The following LINC00305 variants were observed in gnomAD, a reference collection of about 807,000 sequenced individuals.
LINC00305 encodes long independently transcribed non-coding RNA 305.
chr18:64,108,753 C>A (rs1333357359), intron 1 of LINC00305, among the ~76,000 whole-genome samples: 1 of 152,178 alleles, frequency 6.6e-6, no homozygotes, highest in Non-Finnish European at 1.5e-5. Context: ...GAACCAGCCC[C>A]AAACAAGTGT....
chr18:64,109,867 C>T (rs529221900), intron 1 of LINC00305, among the ~76,000 whole-genome samples: 8 of 152,228 alleles, frequency 5.3e-5, no homozygotes, highest in East Asian at 1.9e-4. Context: ...CTCTCCACTC[C>T]GAGCTTGTCC....
intron 1 of LINC00305, among the ~76,000 whole-genome samples, chr18:64,125,941 T>G (rs1444294219): frequency 4.6e-5 from 7 of 152,090 alleles, no homozygotes; most frequent in Non-Finnish European, 1.0e-4. Context: ...AGAAAGAAAA[T>G]CCTTCCTGGA....
chr18:64,089,215 T>C (rs1430771710), intron 3 of LINC00305, among the ~76,000 whole-genome samples: 6 of 152,150 alleles, frequency 3.9e-5, no homozygotes, highest in African/African-American at 1.2e-4. Flanking sequence ...GCTGTTCTCA[T>C]GATAGTGGGT....
chr18:64,104,775 T>A (rs2051282626), intron 1 of LINC00305, among the ~76,000 whole-genome samples: 1 of 152,172 alleles, frequency 6.6e-6, no homozygotes, highest in South Asian at 2.1e-4. Context: ...CAAAATTTTC[T>A]TTGAGGCTGC....
chr18:64,082,420 G>A (rs185947479), intron 3 of LINC00305, among the ~76,000 whole-genome samples: 238 of 152,226 alleles, frequency 1.6e-3, no homozygotes, highest in African/African-American at 5.5e-3. Context: ...CCACATTTTT[G>A]GGGGGAGACT....
intron 1 of LINC00305, among the ~76,000 whole-genome samples, chr18:64,106,298 G>C (rs1258212918): frequency 2.0e-5 from 3 of 152,186 alleles, no homozygotes; most frequent in Non-Finnish European, 4.4e-5. Context: ...GGGCATGTCT[G>C]CTATGCCTGG....
chr18:64,097,493 G>T (rs1390436491), intron 3 of LINC00305, among the ~76,000 whole-genome samples: 6 of 151,952 alleles, frequency 3.9e-5, no homozygotes, highest in Admixed American at 3.9e-4. Flanking sequence ...ACTTGTAATT[G>T]CTATGTTTCC....
chr18:64,119,964 A>AAAGTTACTAAAGTAACTAAAGTAACT (rs1405445612), intron 1 of LINC00305, among the ~76,000 whole-genome samples: 6 of 152,148 alleles, frequency 3.9e-5, no homozygotes. Context: ...TGAAGTAACT[A>AAAGTTACTAAAGTAACTAAAGTAACT]AAAGTTTGGA....
chr18:64,146,788 A>G (rs919093017), intron 1 of LINC00305, among the ~76,000 whole-genome samples: 1 of 152,146 alleles, frequency 6.6e-6, no homozygotes, highest in Admixed American at 6.5e-5. Context: ...GGAGTAATGG[A>G]AGTGCTGAGA....
intron 1 of LINC00305, among the ~76,000 whole-genome samples, chr18:64,107,060 T>C (rs1333343076): frequency 2.6e-5 from 4 of 152,206 alleles, no homozygotes; most frequent in African/African-American, 9.6e-5. Flanking sequence ...AATCCTCTCC[T>C]CAATCTCATT....
chr18:64,143,548 CAT>C (rs1299444826), intron 1 of LINC00305, among the ~76,000 whole-genome samples: 1 of 81,826 alleles, frequency 1.2e-5, no homozygotes, highest in African/African-American at 5.1e-5. Flanking sequence ...TATATGTACA[CAT>C]ATTATGTGTA....
At chr18:64,093,327 T>G (rs986929297) in intron 3 of LINC00305, among the ~76,000 whole-genome samples, 1 of 152,062 alleles carries the variant, frequency 6.6e-6, no homozygotes, top group African/African-American at 2.4e-5. Flanking sequence ...CCTAACCTAT[T>G]TTTATTTTTA....
intron 1 of LINC00305, among the ~76,000 whole-genome samples, chr18:64,143,566 A>ATATG (rs1356163768): frequency 0.088 from 3,112 of 35,342 alleles, 320 homozygotes; most frequent in East Asian, 0.27. Flanking sequence ...GTGTACATAT[A>ATATG]TACACATATG....
intron 1 of LINC00305, among the ~76,000 whole-genome samples, chr18:64,119,871 A>ATTTGGC (rs776576565): frequency 6.6e-6 from 1 of 152,024 alleles, no homozygotes; most frequent in Non-Finnish European, 1.5e-5. Context: ...TTGGGACACA[A>ATTTGGC]TTTGGCTTTT....
At chr18:64,146,968 T>C (rs1409297115) in intron 1 of LINC00305, among the ~76,000 whole-genome samples, 1 of 152,200 alleles carries the variant, frequency 6.6e-6, no homozygotes, top group African/African-American at 2.4e-5. Flanking sequence ...TTTTTCAGAA[T>C]GTTTCTTTTT....
chr18:64,142,428 A>G (rs964617873), intron 1 of LINC00305, among the ~76,000 whole-genome samples: 5 of 152,186 alleles, frequency 3.3e-5, no homozygotes, highest in Non-Finnish European at 7.3e-5. Context: ...TGTATTTACC[A>G]GAGGATTGTG....
chr18:64,098,656 G>T (rs2051256498), intron 1 of LINC00305: 1 of 424,640 alleles, frequency 2.4e-6, no homozygotes, highest in Non-Finnish European at 4.7e-6. Flanking sequence ...AGTGAAAAAA[G>T]AAAATAAATT....
At chr18:64,099,851 C>A (rs369444266) in intron 1 of LINC00305, among the ~76,000 whole-genome samples, 1 of 152,068 alleles carries the variant, frequency 6.6e-6, no homozygotes, top group African/African-American at 2.4e-5. Flanking sequence ...GCCAGTCAAA[C>A]GGCACAAAAA....
At chr18:64,133,785 C>G (rs2051420464) in intron 1 of LINC00305, among the ~76,000 whole-genome samples, 1 of 151,932 alleles carries the variant, frequency 6.6e-6, no homozygotes, top group African/African-American at 2.4e-5. Context: ...CATAGAACAA[C>G]AAAAAAGGTC....
Sources: allele counts gnomAD v4.1 joint callset (sites outside exome capture counted in the v4.1 genomes callset), GRCh38; gene constraint gnomAD v4.1.1; transcripts MANE v1.5; gene names NCBI Gene and HGNC (gene_info 2026-07-23, HGNC 2026-07-21).